PER2: variants seen among roughly 807,000 people sequenced by gnomAD.
PER2 encodes period circadian regulator 2.
In PER2, 66 loss-of-function variants were observed where a neutral mutation model predicts 121.0. The observed-to-expected ratio is 0.55, with a 90% CI of 0.45 to 0.67. The LOEUF (loss-of-function observed/expected upper bound fraction) is 0.67, where lower values mean the gene tolerates loss of function less well. PER2 is among the 30% of genes least tolerant of loss of function. The pLI, the probability that PER2 is intolerant of heterozygous loss-of-function variation, is 0.00. For missense variants in PER2, 1,521 were observed against 1,635.0 expected, an observed-to-expected ratio of 0.93 and a Z score of 1.20; for synonymous variants, 684 against 659.9, an observed-to-expected ratio of 1.04 and a Z score of -0.56.
At chr2:238,248,508 T>C (rs1385645805) in intron 22 of PER2, among the ~76,000 whole-genome samples, 1 of 151,758 alleles carries the variant, frequency 6.6e-6, no homozygotes, top group Non-Finnish European at 1.5e-5. Context: ...AAAACAGAAT[T>C]GAAAGAAAGA....
Position 238,255,931 on chromosome 2 carries a change from G to A in PER2, c.2066-20C>T. On this transcript the variant is annotated intron_variant, in intron 17 of 22. Transcript: ENST00000254657. Reference sequence around the variant, plus strand: ...CCATCTCTGTAACACAAGAACCCAGGGCTCTGGTCCACACGTGCCCTGTTT... The same window carrying A: ...CCATCTCTGTAACACAAGAACCCAGAGCTCTGGTCCACACGTGCCCTGTTT... 5 of 1,614,066 alleles carry A rather than the reference G, an allele frequency of 3.1e-6. No individual in the cohort carries two copies. Among genetic ancestry groups the A allele is most frequent in the Non-Finnish European group, 3.4e-6 (4 of 1,179,988 alleles).
In PER2 at chr2:238,273,061, G is replaced by C. The variant is rs1696338746; in HGVS notation, c.570+9C>G. On this transcript the variant is annotated intron_variant, in intron 5 of 22. Transcript: ENST00000254657. ...ATTTTAGAAAGAAACTTTGCGGAAA[G>C]AGGCTTACGGCATTCTTCACAATGT... 6.2e-7 allele frequency: 1 copy of C among 1,614,108 alleles called. No individual in the cohort carries two copies. Among genetic ancestry groups the C allele is most frequent in the Non-Finnish European group, 8.5e-7 (1 of 1,179,968 alleles).
Position 238,257,076 on chromosome 2 carries a change from C to T in PER2, c.1911G>A (p.Pro637=), listed in dbSNP as rs368194918. The T allele has an allele frequency of 1.6e-4, 257 of 1,612,170 alleles. 1 individual carries two copies. In the South Asian group the frequency reaches 2.2e-3, roughly 14 times the overall value. Residue 637 remains proline (P), a synonymous_variant, in exon 17 of 23, where the codon CCG becomes CCA. Transcript: ENST00000254657. ...SPGPHAGEAE[P]PSRVNSRTGV... ...CCGTGCGGCTGTTCACCCTGGAGGG[C>T]GGCTCTGCCTCTTCATGAGAGGAAG...
chr2:238,269,692 C>G (rs1696227121), intron 6 of PER2, among the ~76,000 whole-genome samples: 1 of 151,886 alleles, frequency 6.6e-6, no homozygotes, highest in African/African-American at 2.4e-5. Context: ...AACACACCAA[C>G]TAACCTACAA....
In PER2 at chr2:238,277,006, T is replaced by C. The variant is rs539723716; in HGVS notation, c.293+125A>G. On this transcript the variant is annotated intron_variant, in intron 3 of 22. Transcript: ENST00000254657. Reference sequence around the variant, plus strand: ...GAGTGAGGCTGGGTTCGTACCCACATAGCCACACAGATGGGTTTTAGCACA... The same window carrying C: ...GAGTGAGGCTGGGTTCGTACCCACACAGCCACACAGATGGGTTTTAGCACA... 42 of 795,770 alleles carry C rather than the reference T, an allele frequency of 5.3e-5. No homozygotes were observed. The East Asian group carries it at 8.3e-4, about 16-fold the overall frequency. 49.3% of individuals were successfully genotyped at this position (795,770 alleles called of 1,614,324 possible). A position where few individuals can be genotyped will look rare whatever the true frequency, so the allele number is the denominator to read the frequency against.
At chr2:238,292,401 A>G (rs1291232680), upstream of PER2, among the ~76,000 whole-genome samples, 1 of 152,170 alleles carries the variant, frequency 6.6e-6, no homozygotes, top group Admixed American at 6.5e-5. Context: ...AGCCTGGGGA[A>G]AGGAGCTTGC....
chr2:238,292,094 G>T (rs1696959607), upstream of PER2, among the ~76,000 whole-genome samples: 1 of 152,250 alleles, frequency 6.6e-6, no homozygotes, highest in African/African-American at 2.4e-5. Flanking sequence ...GGAGTTCGAG[G>T]TTGCAGTGAA....
intron 2 of PER2, 30 bp downstream of exon 2, chr2:238,277,677 A>G (rs759520990): frequency 1.5e-5 from 24 of 1,613,136 alleles, no homozygotes; most frequent in East Asian, 2.2e-5. Context: ...CAACCTGCCC[A>G]GCCTCCATCT....
At chr2:238,263,137 T>G (rs1695987414) in intron 9 of PER2, 79 bp from the exon 10 acceptor site, 1 of 893,582 alleles carries the variant, frequency 1.1e-6, no homozygotes, top group African/African-American at 1.6e-5. Flanking sequence ...TCTTATTCCC[T>G]GGAAAGAGAA....
chr2:238,288,763 CCTCCGCCGCGGCCGAGTCGCCGCTGT>C (rs1559339808), upstream of PER2, among the ~76,000 whole-genome samples: 1 of 151,698 alleles, frequency 6.6e-6, no homozygotes, highest in African/African-American at 2.4e-5. Context: ...AGCGCCGCCG[CCTCCGCCGCGGCCGAGTCGCCGCTGT>C]CACATAGTGG....
In PER2 at chr2:238,263,084, G is replaced by C. The variant is rs146180550; in HGVS notation, c.1047-26C>G. 2.8e-5 allele frequency: 37 copies of C among 1,339,234 alleles called. No individual in the cohort carries two copies. In the East Asian group the frequency reaches 7.6e-4, roughly 27 times the overall value. 83.0% of individuals were successfully genotyped at this position (1,339,234 alleles called of 1,614,324 possible). A position where few individuals can be genotyped will look rare whatever the true frequency, so the allele number is the denominator to read the frequency against. The stretch of plus-strand genomic sequence containing the variant: ...CTGGAAGGCAAGCAGACACACGCTA[G>C]GATTGGCATCCAAACAGATGAGGAG... On this transcript the variant is annotated intron_variant, in intron 9 of 22. Coordinates refer to ENST00000254657, the MANE Select transcript of PER2 (RefSeq NM_022817.3).
At chr2:238,258,434 C>T (rs1052352615) in intron 15 of PER2, 34 bp from the exon 16 acceptor site, 2 of 1,614,158 alleles carry the variant, frequency 1.2e-6, no homozygotes, top group Non-Finnish European at 1.7e-6. Context: ...GGTGAGGCCA[C>T]ACAACATGAG....
At chr2:238,294,056 A>C (rs1697005126), upstream of PER2, among the ~76,000 whole-genome samples, 1 of 152,126 alleles carries the variant, frequency 6.6e-6, no homozygotes, top group African/African-American at 2.4e-5. Flanking sequence ...CCCCACACCC[A>C]AGGTGATGCC....
chr2:238,250,758 A>T lies in PER2; in HGVS notation c.3275-15T>A, dbSNP rs746999679. The T allele has an allele frequency of 5.7e-6, 9 of 1,581,566 alleles. No homozygotes were observed. In the Admixed American group the frequency reaches 1.5e-4, roughly 26 times the overall value. On this transcript the variant is annotated splice_polypyrimidine_tract_variant and intron_variant, in intron 20 of 22. Transcript: ENST00000254657. ...GTCACTACTGCCTTTAAAAACAAAA[A>T]ACGTGGTGCGTCAAAACATTGACAT...
At position 238,273,102 on chromosome 2, in the gene PER2, T is replaced by C. The variant is rs758475762; in HGVS notation, c.538A>G (p.Ser180Gly). ...VPSYTVEEME[S>G]VTSEHIVKNA... The stretch of plus-strand genomic sequence containing the variant: ...TTCACAATGTGCTCAGAGGTAACGC[T>C]CTCCATCTCCTCCACGGTGTAGGAG... The change falls in exon 5 of 23, where the codon AGC becomes GGC. Residue 180 changes from serine to glycine, a missense_variant. Ser to Gly is a moderately conservative substitution (Grantham distance 56). Transcript: ENST00000254657. The C allele has an allele frequency of 3.7e-6, 6 of 1,613,894 alleles. No individual in the cohort carries two copies. In the South Asian group the frequency reaches 5.5e-5, roughly 15 times the overall value.
rs371388539 is a variant in PER2, at chr2:238,266,087, TTG to T, written c.968-499_968-498del. Among the ~76,000 whole-genome samples, 626 of 151,902 alleles carry T rather than the reference TTG, an allele frequency of 4.1e-3. 7 individuals carry two copies. Among genetic ancestry groups the T allele is most frequent in the African/African-American group, 0.013 (557 of 41,474 alleles). ...CCCAGCTAATTTTTTGTATTTTTAG[TTG>T]AGGTGGGGTTTCACCGTGTTGGCCA... On this transcript the variant is annotated intron_variant, in intron 8 of 22. Transcript: ENST00000254657.
chr2:238,293,662 G>T (rs921406570), upstream of PER2, among the ~76,000 whole-genome samples: 6 of 150,820 alleles, frequency 4.0e-5, no homozygotes, highest in African/African-American at 1.5e-4. Flanking sequence ...TGGAACCCAG[G>T]AGGCAGAGGC....
rs765216481 is a variant in PER2 at position 238,273,058 on chromosome 2, A to G, written c.570+12T>C. 12 of 1,613,948 alleles carry G rather than the reference A, an allele frequency of 7.4e-6. No homozygotes were observed. The African/African-American group carries it at 1.6e-4, about 22-fold the overall frequency. ...GCCATTTTAGAAAGAAACTTTGCGGAAAGAGGCTTACGGCATTCTTCACAA... is the reference window on the plus strand; with the variant it reads ...GCCATTTTAGAAAGAAACTTTGCGGGAAGAGGCTTACGGCATTCTTCACAA... On this transcript the variant is annotated intron_variant, in intron 5 of 22. Coordinates refer to ENST00000254657, the MANE Select transcript of PER2 (RefSeq NM_022817.3).
At chr2:238,255,363 T>TGA in intron 18 of PER2, 1 of 496,316 alleles carries the variant, frequency 2.0e-6, no homozygotes, top group Admixed American at 3.3e-5. Context: ...CCTGCCCACA[T>TGA]GGTTACTCAG....
Sources: gnomAD v4.1 joint callset for allele counts (sites outside exome capture counted in the v4.1 genomes callset) on GRCh38, gnomAD v4.1.1 for gene constraint, MANE v1.5 for transcripts, NCBI Gene and HGNC (gene_info 2026-07-23, HGNC 2026-07-21) for gene names.